The following TMCO6 variants were observed in gnomAD, a reference collection of about 807,000 sequenced individuals.
TMCO6 encodes transmembrane and coiled-coil domains 6, also known as transmembrane and coiled-coil domain-containing protein 6.
TMCO6 carries 47 observed loss-of-function variants against 61.8 expected under a neutral mutation model. The ratio of observed to expected loss-of-function variants is 0.76; its 90% CI spans 0.60 to 0.97. The LOEUF is 0.97. Among genes scored for constraint, TMCO6 ranks in the 50% least tolerant of loss-of-function variants. The probability of loss-of-function intolerance (pLI) is 0.00; values close to 1 mark genes in which losing one functional copy is unlikely to be tolerated. For missense variants in TMCO6, 557 were observed against 601.6 expected (o/e 0.93, Z 0.78); for synonymous variants, 261 against 254.2 (o/e 1.03, Z -0.25).
chr5:140,637,598 G>C (rs1756800683), upstream of TMCO6, among the ~76,000 whole-genome samples: 2 of 152,150 alleles, frequency 1.3e-5, no homozygotes, highest in African/African-American at 4.8e-5. Context: ...ATGGGAAGTA[G>C]GGGTTGAACG....
intron 2 of TMCO6, 81 bp from the exon 3 acceptor site, chr5:140,641,584 C>A: frequency 3.3e-6 from 4 of 1,196,518 alleles, no homozygotes; most frequent in African/African-American, 3.0e-5. Flanking sequence ...TTGGAAGGCT[C>A]ACAGGTGAAG....
chr5:140,627,782 G>C, the TMCO6 span, among the ~76,000 whole-genome samples: 1 of 150,790 alleles, frequency 6.6e-6, no homozygotes, highest in African/African-American at 2.4e-5. Flanking sequence ...TGTAGTCCCA[G>C]CTACTCAGGA....
the TMCO6 span, among the ~76,000 whole-genome samples, chr5:140,611,244 C>T: frequency 6.6e-6 from 1 of 152,142 alleles, no homozygotes; most frequent in Non-Finnish European, 1.5e-5. Flanking sequence ...CTGGGAGGCA[C>T]AGTTTTGTGT....
chr5:140,600,326 T>A, the TMCO6 span, among the ~76,000 whole-genome samples: 4 of 152,198 alleles, frequency 2.6e-5, no homozygotes, highest in African/African-American at 9.7e-5. Flanking sequence ...CACACAGGGC[T>A]ATTGTACAGA....
At chr5:140,635,619 G>A (rs1431614990), upstream of TMCO6, among the ~76,000 whole-genome samples, 14 of 152,178 alleles carry the variant, frequency 9.2e-5, no homozygotes. Flanking sequence ...GAGTACTAGG[G>A]TTGGTAGAAA....
intron 2 of TMCO6, chr5:140,641,399 G>A (rs1757020803): frequency 8.9e-6 from 4 of 447,338 alleles, no homozygotes; most frequent in African/African-American, 7.9e-5. Context: ...CTGTATGAAG[G>A]CAGGATAGAT....
At chr5:140,636,586 G>A (rs1232794037), upstream of TMCO6, among the ~76,000 whole-genome samples, 1 of 152,018 alleles carries the variant, frequency 6.6e-6, no homozygotes, top group African/African-American at 2.4e-5. Flanking sequence ...CATGAGGAAG[G>A]GCTCAAGATC....
upstream of TMCO6, among the ~76,000 whole-genome samples, chr5:140,636,186 C>T (rs552371955): frequency 2.8e-4 from 42 of 152,032 alleles, no homozygotes; most frequent in Admixed American, 1.5e-3. Flanking sequence ...TTAGTAGAGA[C>T]GGGGTTTCAC....
downstream of TMCO6, chr5:140,647,463 C>T (rs1451440034): frequency 6.2e-7 from 1 of 1,610,986 alleles, no homozygotes; most frequent in African/African-American, 1.3e-5. Context: ...GCCCGCCCGC[C>T]TCACCACGCC....
At chr5:140,632,676 G>A in the TMCO6 span, 4 of 1,613,838 alleles carry the variant, frequency 2.5e-6, no homozygotes, top group Non-Finnish European at 3.4e-6. The surrounding 1 kb of genome is among the most constrained non-coding windows in gnomAD (Gnocchi z 6.2). Flanking sequence ...CAGTAGCTGA[G>A]CAGGAACCTG....
At chr5:140,633,017 A>G in the TMCO6 span, 6 of 1,613,838 alleles carry the variant, frequency 3.7e-6, no homozygotes, top group Non-Finnish European at 5.1e-6. Context: ...GCCCCATCCA[A>G]CCCCTGTGGC....
chr5:140,645,982 A>G (rs1757371082), downstream of TMCO6, among the ~76,000 whole-genome samples: 1 of 150,162 alleles, frequency 6.7e-6, no homozygotes, highest in South Asian at 2.1e-4. Context: ...GCATGGGTCC[A>G]GCCTCAGCTG....
chr5:140,613,386 T>TAAAAA, the TMCO6 span, among the ~76,000 whole-genome samples: 60 of 87,438 alleles, frequency 6.9e-4, 2 homozygotes, highest in Non-Finnish European at 8.9e-4. Context: ...AGACTCTGAC[T>TAAAAA]AAAAAAAAAA....
At chr5:140,604,832 T>G in the TMCO6 span, among the ~76,000 whole-genome samples, 1 of 151,944 alleles carries the variant, frequency 6.6e-6, no homozygotes, top group Non-Finnish European at 1.5e-5. Context: ...GCATTATTTT[T>G]GAAGAGATTT....
intron 2 of TMCO6, 36 bp downstream of exon 2, chr5:140,639,887 C>T (rs1756909247): frequency 1.1e-5 from 17 of 1,548,638 alleles, no homozygotes; most frequent in African/African-American, 1.4e-5. Context: ...GGAGTCCACG[C>T]CCGCTGGCGC....
At chr5:140,611,603 T>C in the TMCO6 span, among the ~76,000 whole-genome samples, 1 of 152,230 alleles carries the variant, frequency 6.6e-6, no homozygotes, top group Non-Finnish European at 1.5e-5. Flanking sequence ...TCCTGCTCTG[T>C]CAAAACCATC....
chr5:140,623,811 C>A, the TMCO6 span, among the ~76,000 whole-genome samples: 1 of 152,098 alleles, frequency 6.6e-6, no homozygotes. Context: ...AAACTCCTGA[C>A]CTCAAGTGAT....
upstream of TMCO6, chr5:140,638,688 C>G (rs1282885659): frequency 1.3e-5 from 2 of 151,892 alleles, no homozygotes; most frequent in African/African-American, 2.4e-5. Context: ...TCCCGAGTAG[C>G]TGGGATTACA....
At chr5:140,610,354 TCAAA>T in the TMCO6 span, among the ~76,000 whole-genome samples, 5 of 152,112 alleles carry the variant, frequency 3.3e-5, no homozygotes, top group African/African-American at 4.8e-5. Context: ...AGACTCTGTC[TCAAA>T]CAAACAAACA....
Sources: gnomAD v4.1 joint callset for allele counts (sites outside exome capture counted in the v4.1 genomes callset) on GRCh38, gnomAD v4.1.1 for gene constraint, Gnocchi (gnomAD v3.1) non-coding constraint, MANE v1.5 for transcripts, NCBI Gene and HGNC (gene_info 2026-07-23, HGNC 2026-07-21) for gene names.